The following RAPGEF6 variants were observed in gnomAD, a reference collection of about 807,000 sequenced individuals.
RAPGEF6 encodes the protein Rap guanine nucleotide exchange factor 6.
RAPGEF6 carries 56 observed loss-of-function variants against 171.4 expected under a neutral mutation model. The ratio of observed to expected loss-of-function variants is 0.33; its 90% CI spans 0.26 to 0.41. The LOEUF is 0.41. Ranked by LOEUF, RAPGEF6 falls within the 10% of genes least tolerant of loss-of-function variation. The pLI, the probability that RAPGEF6 is intolerant of heterozygous loss-of-function variation, is 1.00. For synonymous variants in RAPGEF6, 692 were observed against 650.1 expected (o/e 1.06, Z -0.98); for missense variants, 1,674 against 1,921.4 (o/e 0.87, Z 2.41).
At chr5:131,456,155 T>A in intron 19 of RAPGEF6, 143 bp from the exon 20 acceptor site, 1 of 601,538 alleles carries the variant, frequency 1.7e-6, no homozygotes, top group East Asian at 2.8e-5. Flanking sequence ...AGAGAAAAAC[T>A]GAGAAAAAAA....
rs936266600 is a variant in RAPGEF6 at position 131,548,097 on chromosome 5, C to T, written c.445G>A (p.Gly149Arg). The change falls in exon 6 of 28, where the codon GGA (glycine) becomes AGA (arginine). Residue 149 changes from glycine (G) to arginine (R), a missense_variant. Coordinates refer to ENST00000509018, the MANE Select transcript of RAPGEF6 (RefSeq NM_016340.6). ...RRRFRKINYK[G>R]ERQTITDDVE... The stretch of plus-strand genomic sequence containing the variant: ...TCATCAGTAATGGTTTGGCGCTCTC[C>T]TTTATAGTTAATTTTCCGAAATCTT... 2.5e-6 allele frequency: 4 copies of T among 1,613,836 alleles called. No individual in the cohort carries two copies. The highest frequency in any genetic ancestry group is 3.4e-6 in the Non-Finnish European group (4 of 1,179,992).
chr5:131,628,268 G>C (rs1766070424), intron 1 of RAPGEF6, among the ~76,000 whole-genome samples: 1 of 151,624 alleles, frequency 6.6e-6, no homozygotes, highest in Admixed American at 6.6e-5. Flanking sequence ...TGCTACTTTA[G>C]TGAACAAAAA....
intron 19 of RAPGEF6, among the ~76,000 whole-genome samples, chr5:131,460,473 G>A (rs1161524414): frequency 6.6e-6 from 1 of 152,086 alleles, no homozygotes; most frequent in Non-Finnish European, 1.5e-5. Flanking sequence ...CTAAAACTGA[G>A]CCCGTAATTT....
At chr5:131,584,248 G>T (rs1763122025) in intron 4 of RAPGEF6, among the ~76,000 whole-genome samples, 1 of 152,150 alleles carries the variant, frequency 6.6e-6, no homozygotes, top group Non-Finnish European at 1.5e-5. Flanking sequence ...AAATTAATGG[G>T]ATAAAATGGT....
In RAPGEF6 at chr5:131,453,609, AC is replaced by A. The variant is rs542324050; in HGVS notation, c.3077-433del. Among the ~76,000 whole-genome samples, 402 of 152,272 alleles carry A rather than the reference AC, an allele frequency of 2.6e-3. 1 individual carries two copies. Among genetic ancestry groups the A allele is most frequent in the African/African-American group, 9.2e-3 (384 of 41,554 alleles). ...TCAACTCAAAAAAATCCACAAAAAA[AC>A]AAAACAAAACAAAAATCCCAAACAA... is the stretch of plus-strand genomic sequence containing the variant. On this transcript the variant is annotated intron_variant, in intron 20 of 27. Coordinates refer to ENST00000509018, the MANE Select transcript of RAPGEF6 (RefSeq NM_016340.6).
Position 131,431,329 on chromosome 5 carries a change from G to C in RAPGEF6, c.3995C>G (p.Ser1332Cys), listed in dbSNP as rs985569282. Residue 1332 changes from serine (S) to cysteine (C), a missense_variant, in exon 26 of 28, where the codon TCT (serine) becomes TGT (cysteine). This residue lies in a region of RAPGEF6 where 552 missense variants were observed against 574.2 expected (regional missense o/e 0.96). Transcript: ENST00000509018. ...TGAGACAGCTAAACACTTGATTAGA[G>C]ATGGCTTCAAGAGTGTCCACCTAAA... ...HGPGWTLLKP[S>C]LIKCLAVSSS... The C allele has an allele frequency of 6.2e-7, 1 of 1,606,740 alleles. No individual in the cohort carries two copies. Among genetic ancestry groups the C allele is most frequent in the Admixed American group, 1.7e-5 (1 of 59,800 alleles).
intron 5 of RAPGEF6, among the ~76,000 whole-genome samples, chr5:131,560,338 T>C (rs899420937): frequency 4.6e-5 from 7 of 152,230 alleles, no homozygotes; most frequent in African/African-American, 1.7e-4. Context: ...AGTGCATATT[T>C]TGAATTCATC....
chr5:131,451,314 T>C (rs1225437283), intron 21 of RAPGEF6, among the ~76,000 whole-genome samples: 2 of 152,044 alleles, frequency 1.3e-5, no homozygotes, highest in African/African-American at 4.8e-5. Flanking sequence ...CCGGGTGCAG[T>C]GGCTCACGCC....
intron 5 of RAPGEF6, among the ~76,000 whole-genome samples, chr5:131,548,986 C>G (rs187351839): frequency 1.3e-5 from 2 of 152,138 alleles, no homozygotes; most frequent in African/African-American, 4.8e-5. Flanking sequence ...ATCAACTGAG[C>G]CCAGGAGTTC....
At chr5:131,468,832 G>A (rs1754554967) in intron 17 of RAPGEF6, among the ~76,000 whole-genome samples, 1 of 152,124 alleles carries the variant, frequency 6.6e-6, no homozygotes, top group Non-Finnish European at 1.5e-5. Flanking sequence ...AAAACAAAGG[G>A]TAGTGGTATA....
chr5:131,574,326 C>T (rs192901355), intron 4 of RAPGEF6, among the ~76,000 whole-genome samples: 225 of 152,300 alleles, frequency 1.5e-3, no homozygotes, highest in Admixed American at 4.3e-3. Context: ...CTTGGCTTAG[C>T]GGCTGAAGAC....
chr5:131,569,491 G>A (rs1762144684), intron 4 of RAPGEF6, among the ~76,000 whole-genome samples: 1 of 152,128 alleles, frequency 6.6e-6, no homozygotes, highest in Non-Finnish European at 1.5e-5. Flanking sequence ...AATAAACCAT[G>A]CTAGGTAAAA....
At position 131,464,352 on chromosome 5, in the gene RAPGEF6, T is replaced by C. The variant is rs563052899; in HGVS notation, c.2240-71A>G. ...CTTTTAAACCCTTCAAAAAGCAACG[T>C]GAAACACAGTGATCCCTCTGAACAC... On this transcript the variant is annotated intron_variant, in intron 17 of 27. Transcript: ENST00000509018. The C allele has an allele frequency of 1.8e-5, 20 of 1,122,306 alleles. No homozygotes were observed. In the East Asian group the frequency reaches 4.9e-4, roughly 27 times the overall value. The allele number at this position is 1,122,306 out of a possible 1,614,324, so 69.5% of individuals were successfully genotyped here. A position where few individuals can be genotyped will look rare whatever the true frequency, so the allele number is the denominator to read the frequency against.
At chr5:131,495,941 C>T (rs1756611390) in intron 12 of RAPGEF6, among the ~76,000 whole-genome samples, 1 of 152,178 alleles carries the variant, frequency 6.6e-6, no homozygotes, top group Non-Finnish European at 1.5e-5. Context: ...TCAGGTAGCA[C>T]CTTAAAATGC....
At chr5:131,440,914 T>A (rs893865653) in intron 23 of RAPGEF6, among the ~76,000 whole-genome samples, 10 of 152,238 alleles carry the variant, frequency 6.6e-5, no homozygotes, top group African/African-American at 1.9e-4. Context: ...TTCATTTCCA[T>A]AGCCACCAAA....
At chr5:131,506,901 A>T (rs187322259) in intron 9 of RAPGEF6, among the ~76,000 whole-genome samples, 2,148 of 151,808 alleles carry the variant, frequency 0.014, 38 homozygotes, top group African/African-American at 0.046. Flanking sequence ...TATCCTGTTT[A>T]AAAAAATTAA....
At chr5:131,602,126 C>T (rs898414620) in intron 3 of RAPGEF6, among the ~76,000 whole-genome samples, 7 of 152,066 alleles carry the variant, frequency 4.6e-5, no homozygotes, top group Non-Finnish European at 7.3e-5. Context: ...ACAGTCATGC[C>T]TTGCTTAATG....
chr5:131,613,106 C>G (rs1162026154), intron 1 of RAPGEF6, among the ~76,000 whole-genome samples: 1 of 152,116 alleles, frequency 6.6e-6, no homozygotes. Context: ...CTGCATGACC[C>G]TGAACTAAAA....
intron 1 of RAPGEF6, among the ~76,000 whole-genome samples, chr5:131,633,539 G>C (rs536028474): frequency 7.4e-4 from 113 of 152,086 alleles, no homozygotes; most frequent in South Asian, 6.2e-3. Context: ...AGACCACCCT[G>C]GGCAATATGG....
Sources: gnomAD v4.1 joint callset for allele counts (sites outside exome capture counted in the v4.1 genomes callset) on GRCh38, gnomAD v4.1.1 for gene constraint, gnomAD v4.1.1 regional missense constraint, MANE v1.5 for transcripts, NCBI Gene and HGNC (gene_info 2026-07-23, HGNC 2026-07-21) for gene names.